Variants in KDM2B observed in about 807,000 individuals in gnomAD.
KDM2B encodes the protein lysine-specific demethylase 2B.
KDM2B carries 26 observed loss-of-function variants against 150.0 expected under a neutral mutation model. The ratio of observed to expected loss-of-function variants is 0.17; its 90% confidence interval spans 0.13 to 0.24. The LOEUF is 0.24. KDM2B is among the 10% of genes least tolerant of loss of function. The pLI, the probability that KDM2B is intolerant of heterozygous loss-of-function variation, is 1.00. For synonymous variants in KDM2B, 734 were observed against 729.5 expected, an observed-to-expected ratio of 1.01 and a Z score of -0.10; for missense variants, 1,265 against 1,816.9, an observed-to-expected ratio of 0.70 and a Z score of 5.52.
intron 7 of KDM2B, 78 bp downstream of exon 7, chr12:121,534,419 G>A (rs983973028): frequency 1.6e-5 from 16 of 1,004,362 alleles, no homozygotes; most frequent in South Asian, 3.9e-5. Flanking sequence ...GAGGTGGGAG[G>A]AGAGGGAAAG....
At chr12:121,569,700 C>T (rs570561626) in intron 4 of KDM2B, among the ~76,000 whole-genome samples, 14 of 152,288 alleles carry the variant, frequency 9.2e-5, no homozygotes, top group African/African-American at 3.1e-4. Flanking sequence ...CTGCAGTCAG[C>T]GGCCTCCCTC....
intron 22 of KDM2B, among the ~76,000 whole-genome samples, chr12:121,432,491 C>A (rs1226319858): frequency 1.3e-5 from 2 of 152,210 alleles, no homozygotes; most frequent in African/African-American, 4.8e-5. Context: ...CCTCCCCACC[C>A]AGCCTCCCAG....
chr12:121,490,599 C>T (rs1409642751), intron 12 of KDM2B, among the ~76,000 whole-genome samples: 1 of 152,206 alleles, frequency 6.6e-6, no homozygotes, highest in Non-Finnish European at 1.5e-5. Flanking sequence ...CAAATAAGCT[C>T]CGTTCCTTCA....
chr12:121,417,826 A>G, the KDM2B span: 6 of 1,614,164 alleles, frequency 3.7e-6, no homozygotes, highest in African/African-American at 2.7e-5. This position sits in a 1 kb window ranked among gnomAD's most constrained non-coding sequence, Gnocchi z 5.0. Context: ...TTTTCAAACT[A>G]TACAGCCCCC....
At chr12:121,480,829 C>T (rs1271750221) in intron 12 of KDM2B, among the ~76,000 whole-genome samples, 4 of 151,890 alleles carry the variant, frequency 2.6e-5, no homozygotes, top group Admixed American at 2.6e-4. Flanking sequence ...CCACACCCGG[C>T]CATCGCCTGT....
intron 4 of KDM2B, among the ~76,000 whole-genome samples, chr12:121,572,698 C>A (rs1005205643): frequency 6.6e-6 from 1 of 152,168 alleles, no homozygotes; most frequent in Non-Finnish European, 1.5e-5. Context: ...CGCTCTGTTG[C>A]CCAGGCTGGA....
Position 121,560,738 on chromosome 12 carries a change from C to T in KDM2B, c.398-11100G>A, listed in dbSNP as rs972958128. On this transcript the variant is annotated intron_variant, in intron 4 of 22. Coordinates refer to ENST00000377071, the MANE Select transcript of KDM2B (RefSeq NM_032590.5). ...CCTCCAGCCTCCCGGTCTGATCTGCCACAGGAGCAAAGGGAACCAGGCACA... is the reference window on the plus strand; with the variant it reads ...CCTCCAGCCTCCCGGTCTGATCTGCTACAGGAGCAAAGGGAACCAGGCACA... Among the ~76,000 whole-genome samples the T allele has an allele frequency of 2.6e-5, 4 of 152,132 alleles. No homozygotes were observed. In the East Asian group the frequency reaches 5.8e-4, roughly 22 times the overall value.
intron 6 of KDM2B, among the ~76,000 whole-genome samples, chr12:121,544,803 C>A (rs1461030350): frequency 3.3e-5 from 5 of 151,834 alleles, no homozygotes; most frequent in Non-Finnish European, 5.9e-5. Context: ...ATCCCAGCTA[C>A]TTGGGAGGCT....
Position 121,452,985 on chromosome 12 carries a change from G to A in KDM2B, c.1959+135C>T. ...GCGGCCAGCGCCTTCCCGTCCACAG[G>A]AAGAGCTCTCGGGGAGTCCACAGCC... On this transcript the variant is annotated intron_variant, in intron 13 of 22. Transcript: ENST00000377071. This position sits in a 1 kb window ranked among gnomAD's most constrained non-coding sequence, Gnocchi z 4.4. The A allele has an allele frequency of 1.2e-6, 1 of 800,518 alleles. No individual in the cohort carries two copies. The highest frequency in any genetic ancestry group is 1.8e-5 in the African/African-American group (1 of 56,188). The allele number at this position is 800,518 out of a possible 1,614,324, so 49.6% of individuals were successfully genotyped here.
At chr12:121,517,907 G>C (rs535474064) in intron 9 of KDM2B, among the ~76,000 whole-genome samples, 29 of 150,908 alleles carry the variant, frequency 1.9e-4, no homozygotes, top group African/African-American at 4.9e-4. Flanking sequence ...TTTTTTGAGG[G>C]GGGGGATGGA....
At chr12:121,534,809 C>T (rs907988566) in intron 6 of KDM2B, 36 of 536,498 alleles carry the variant, frequency 6.7e-5, no homozygotes, top group African/African-American at 5.9e-4. Flanking sequence ...CGCCTACCTA[C>T]CCCAGAGGCT....
At chr12:121,428,551 G>A (rs1185083053), downstream of KDM2B, among the ~76,000 whole-genome samples, 1 of 152,132 alleles carries the variant, frequency 6.6e-6, no homozygotes, top group South Asian at 2.1e-4. Context: ...GCAAGAAAAG[G>A]CTTCTTCCAC....
At chr12:121,494,313 T>C in intron 12 of KDM2B, 1 of 406,438 alleles carries the variant, frequency 2.5e-6, no homozygotes, top group Non-Finnish European at 4.5e-6. Flanking sequence ...AAAATCCACC[T>C]AACCACAGGG....
chr12:121,524,860 G>A, intron 8 of KDM2B: 2 of 277,208 alleles, frequency 7.2e-6, no homozygotes, highest in South Asian at 5.9e-5. Context: ...TAGATGGGAA[G>A]CCAGTGATAC....
chr12:121,513,256 G>A lies in KDM2B; in HGVS notation c.1174+20C>T, dbSNP rs370226451. The A allele has an allele frequency of 1.2e-6, 2 of 1,610,460 alleles. No homozygotes were observed. The highest frequency in any genetic ancestry group is 1.7e-6 in the Non-Finnish European group (2 of 1,177,560). On this transcript the variant is annotated intron_variant, in intron 10 of 22. Transcript: ENST00000377071. The surrounding 1 kb of genome is among the most constrained non-coding windows in gnomAD (Gnocchi z 5.0). ...CCCAGCTGTGCAGCCGAGGCCGTGG[G>A]CTCCCTCCGGTTCACTCACCAATAA... is the stretch of plus-strand genomic sequence containing the variant.
rs367673292 is a variant in KDM2B, at chr12:121,443,749, C to T, written c.2496G>A (p.Ser832=). The T allele has an allele frequency of 7.5e-6, 12 of 1,610,070 alleles. No homozygotes were observed. The highest frequency in any genetic ancestry group is 1.3e-5 in the African/African-American group (1 of 74,890). ...QTSPGSSSHL[S]PRPPLGSSLS... is the part of the protein sequence containing the mutation. Reference sequence around the variant, plus strand: ...GGCTGCTGCCTAGAGGGGGCCTCGGCGAGAGGTGAGAGGAGGAACCGGGGG... The same window carrying T: ...GGCTGCTGCCTAGAGGGGGCCTCGGTGAGAGGTGAGAGGAGGAACCGGGGG... Residue 832 remains serine, a synonymous_variant, in exon 17 of 23, where the codon TCG becomes TCA. Transcript: ENST00000377071.
At chr12:121,574,705 TG>T in intron 3 of KDM2B, 112 bp from the exon 4 acceptor site, 1 of 960,672 alleles carries the variant, frequency 1.0e-6, no homozygotes, top group Non-Finnish European at 1.6e-6. Flanking sequence ...CCCCTCAGTT[TG>T]GGAACTCAAA....
chr12:121,425,306 C>T (rs372810892), downstream of KDM2B, among the ~76,000 whole-genome samples: 1 of 79,148 alleles, frequency 1.3e-5, no homozygotes, highest in Non-Finnish European at 3.3e-5. Flanking sequence ...AACTCCGTCT[C>T]AAAAAAAAAA....
intron 22 of KDM2B, among the ~76,000 whole-genome samples, 188 bp downstream of exon 22, chr12:121,439,669 C>T (rs369864380): frequency 2.0e-5 from 3 of 152,266 alleles, no homozygotes; most frequent in Admixed American, 6.5e-5. Context: ...CGTGAGCTAC[C>T]GCACCCGGCC....
Sources: gnomAD v4.1 joint callset for allele counts (sites outside exome capture counted in the v4.1 genomes callset) on GRCh38, gnomAD v4.1.1 for gene constraint, Gnocchi (gnomAD v3.1) non-coding constraint, MANE v1.5 for transcripts, NCBI Gene and HGNC (gene_info 2026-07-23, HGNC 2026-07-21) for gene names.